The following TENM4 variants were observed in gnomAD, a reference collection of about 807,000 sequenced individuals.
TENM4 encodes the protein teneurin transmembrane protein 4.
A neutral mutation model predicts 243.3 loss-of-function variants in TENM4; 82 were observed. The ratio of observed to expected loss-of-function variants is 0.34; its 90% CI spans 0.28 to 0.40. The LOEUF (loss-of-function observed/expected upper bound fraction) is 0.40. TENM4 is among the 10% of genes least tolerant of loss of function. The pLI is 1.00. For synonymous variants in TENM4, 1,412 were observed against 1,456.3 expected (o/e 0.97, Z 0.69); for missense variants, 3,138 against 3,673.3 (o/e 0.85, Z 3.77).
intron 2 of TENM4, among the ~76,000 whole-genome samples, chr11:79,280,493 G>A (rs1441385639): frequency 6.6e-6 from 1 of 152,224 alleles, no homozygotes; most frequent in Non-Finnish European, 1.5e-5. Context: ...AACAGGAGAA[G>A]CAGTGGATGC....
At chr11:78,850,020 G>A (rs886920701) in intron 12 of TENM4, among the ~76,000 whole-genome samples, 11 of 151,900 alleles carry the variant, frequency 7.2e-5, no homozygotes, top group African/African-American at 1.7e-4. Flanking sequence ...TCTGAAAAAA[G>A]CTTCCATGTT....
intron 4 of TENM4, among the ~76,000 whole-genome samples, chr11:79,118,346 C>T (rs916267369): frequency 1.3e-5 from 2 of 152,200 alleles, no homozygotes; most frequent in Non-Finnish European, 2.9e-5. Flanking sequence ...CTCAGAATTA[C>T]TCTGGAAAGA....
At chr11:79,081,020 G>T (rs1360258356) in intron 4 of TENM4, among the ~76,000 whole-genome samples, 1 of 152,218 alleles carries the variant, frequency 6.6e-6, no homozygotes, top group Non-Finnish European at 1.5e-5. Context: ...CACTCTGTGA[G>T]GTGAGAGAGG....
intron 27 of TENM4, among the ~76,000 whole-genome samples, chr11:78,707,700 T>C (rs1373726597): frequency 1.3e-5 from 2 of 152,252 alleles, no homozygotes; most frequent in African/African-American, 2.4e-5. Context: ...TGTCACCTCT[T>C]GTGTGAAAGC....
At chr11:79,202,805 G>A (rs1278456070) in intron 3 of TENM4, among the ~76,000 whole-genome samples, 1 of 152,194 alleles carries the variant, frequency 6.6e-6, no homozygotes, top group Non-Finnish European at 1.5e-5. Flanking sequence ...GCAGTTCTAG[G>A]TGGCTTTATG....
chr11:79,349,515 C>T (rs1221963215), intron 1 of TENM4, among the ~76,000 whole-genome samples: 1 of 152,180 alleles, frequency 6.6e-6, no homozygotes, highest in African/African-American at 2.4e-5. Context: ...TTCATAAATA[C>T]ATATTTAGCA....
At chr11:79,247,453 G>A (rs1380833789) in intron 2 of TENM4, among the ~76,000 whole-genome samples, 1 of 150,360 alleles carries the variant, frequency 6.7e-6, no homozygotes, top group Non-Finnish European at 1.5e-5. Flanking sequence ...GAAGAAGAAC[G>A]TGCTGATTCC....
rs111722081 is a variant in TENM4 at position 78,964,330 on chromosome 11, C to G, written c.494-60807G>C. The stretch of plus-strand genomic sequence containing the variant: ...TGCTGGGATTACAGGTGTGAGCCAC[C>G]GTGCCTGGCCCCAGGTTCCATGACT... On this transcript the variant is annotated intron_variant, in intron 6 of 33. Coordinates refer to ENST00000278550, the MANE Select transcript of TENM4 (RefSeq NM_001098816.3). Among the ~76,000 whole-genome samples, 355 of 152,192 alleles carry G rather than the reference C, an allele frequency of 2.3e-3. 1 individual carries two copies. Among genetic ancestry groups the G allele is most frequent in the African/African-American group, 8.2e-3 (342 of 41,534 alleles).
At position 79,409,109 on chromosome 11, in the gene TENM4, CGCGCGT is replaced by C. The variant is rs1197925768; in HGVS notation, c.-321+31394_-321+31399del. Among the ~76,000 whole-genome samples the C allele has an allele frequency of 6.4e-5, 9 of 139,872 alleles. No homozygotes were observed. The East Asian group carries it at 1.8e-3, about 28-fold the overall frequency. 91.8% of individuals were successfully genotyped at this position (139,872 alleles called of 152,430 possible). A position where few individuals can be genotyped will look rare whatever the true frequency, so the allele number is the denominator to read the frequency against. Reference sequence around the variant, plus strand: ...GTGTGTGTGTGTGTGTGTGCGCGCGCGCGCGTGCGTGCACGCGCACGCACATGCGTG... The same window carrying C: ...GTGTGTGTGTGTGTGTGTGCGCGCGCGCGTGCACGCGCACGCACATGCGTG... On this transcript the variant is annotated intron_variant, in intron 1 of 33. Transcript: ENST00000278550.
chr11:78,780,262 A>G (rs1367974228), intron 16 of TENM4, among the ~76,000 whole-genome samples: 1 of 152,244 alleles, frequency 6.6e-6, no homozygotes, highest in Non-Finnish European at 1.5e-5. Flanking sequence ...TTCTTGGCTT[A>G]TCTGTCACTT....
chr11:79,385,314 T>C (rs945109610), intron 1 of TENM4, among the ~76,000 whole-genome samples: 1 of 152,248 alleles, frequency 6.6e-6, no homozygotes, highest in Non-Finnish European at 1.5e-5. Flanking sequence ...GAACCACTAA[T>C]CTAAGTTCAC....
chr11:78,800,860 G>C (rs944586163), intron 15 of TENM4, among the ~76,000 whole-genome samples: 3 of 152,022 alleles, frequency 2.0e-5, no homozygotes, highest in African/African-American at 7.2e-5. Context: ...CTTATGAGTC[G>C]GGTGAGGGTT....
chr11:78,658,284 C>T lies in TENM4; in HGVS notation c.8084G>A (p.Arg2695Gln), dbSNP rs1349164696. 2.1e-5 allele frequency: 34 copies of T among 1,612,646 alleles called. No individual in the cohort carries two copies. Among genetic ancestry groups the T allele is most frequent in the South Asian group, 6.6e-5 (6 of 91,054 alleles). Residue 2695 changes from arginine to glutamine, a missense_variant, in exon 34 of 34, where the codon CGG (arginine) becomes CAG (glutamine). Coordinates refer to ENST00000278550, the MANE Select transcript of TENM4 (RefSeq NM_001098816.3). The part of the protein sequence containing the change: ...EEKARVLELA[R>Q]QRAVRQAWAR... ...CCACGCTTGGCGCACGGCTCTCTGC[C>T]GGGCCAGCTCCAGGACCCGTGCCTT... is the stretch of plus-strand genomic sequence containing the variant.
chr11:79,069,889 T>TCGGCGTCGCGGCGCC lies in TENM4; in HGVS notation c.41_55dup (p.Ala18_Glu19insGlyArgArgAspAla). 3.9e-6 allele frequency: 6 copies of TCGGCGTCGCGGCGCC among 1,548,822 alleles called. No homozygotes were observed. The Admixed American group carries it at 9.8e-5, about 25-fold the overall frequency. On this transcript the variant is annotated inframe_insertion, in exon 5 of 34. Coordinates refer to ENST00000278550, the MANE Select transcript of TENM4 (RefSeq NM_001098816.3). ...CGCGGACGAGCTGGTGTAGCGGCGC[T>TCGGCGTCGCGGCGCC]CGGCGTCGCGGCGCCGGGTCAGCGA...
intron 6 of TENM4, among the ~76,000 whole-genome samples, chr11:78,965,280 C>T (rs1857414056): frequency 2.0e-5 from 3 of 151,778 alleles, no homozygotes; most frequent in Admixed American, 6.6e-5. Flanking sequence ...TAGTGTTCAC[C>T]AAATATCTAT....
chr11:79,396,916 T>C (rs966409727), intron 1 of TENM4, among the ~76,000 whole-genome samples: 47 of 152,040 alleles, frequency 3.1e-4, no homozygotes, highest in African/African-American at 1.1e-3. Flanking sequence ...AAGGCAAAGG[T>C]TGAGGGAGCC....
Position 78,677,386 on chromosome 11 carries a change from C to G in TENM4, c.5261-999G>C, listed in dbSNP as rs1259019814. On this transcript the variant is annotated intron_variant, in intron 29 of 33. Transcript: ENST00000278550. ...CCTCCAACCTCAGCCTCCCAAGTAG[C>G]TAGGACTATAGGCATGCATCACCAC... 2.0e-5 allele frequency among the ~76,000 whole-genome samples: 3 copies of G among 151,840 alleles called. No homozygotes were observed. In the East Asian group the frequency reaches 5.8e-4, roughly 29 times the overall value.
intron 9 of TENM4, among the ~76,000 whole-genome samples, chr11:78,885,621 C>G (rs1217216497): frequency 6.6e-6 from 1 of 152,202 alleles, no homozygotes; most frequent in Non-Finnish European, 1.5e-5. Context: ...CACTTTCTAA[C>G]TAAGAAATGG....
intron 1 of TENM4, among the ~76,000 whole-genome samples, chr11:79,424,709 C>T (rs533870322): frequency 9.2e-5 from 14 of 151,882 alleles, no homozygotes; most frequent in African/African-American, 2.4e-4. Context: ...CCGAGGCGGG[C>T]GGATCATGAG....
Sources: allele counts gnomAD v4.1 joint callset (sites outside exome capture counted in the v4.1 genomes callset), GRCh38; gene constraint gnomAD v4.1.1; transcripts MANE v1.5; gene names NCBI Gene and HGNC (gene_info 2026-07-23, HGNC 2026-07-21).